TAF4B: variants seen among roughly 807,000 people sequenced by gnomAD.
TAF4B encodes TATA-box binding protein associated factor 4b.
TAF4B carries 38 observed loss-of-function variants against 86.4 expected under a neutral mutation model. That is an observed-to-expected ratio of 0.44 (90% CI 0.34 to 0.58). The LOEUF is 0.58. Ranked by LOEUF, TAF4B falls within the 20% of genes least tolerant of loss-of-function variation. The pLI is 0.02. For missense variants in TAF4B, 988 were observed against 1,027.6 expected, an observed-to-expected ratio of 0.96 and a Z score of 0.53; for synonymous variants, 388 against 391.2, an observed-to-expected ratio of 0.99 and a Z score of 0.10.
chr18:26,230,156 G>C (rs2055643751), intron 1 of TAF4B, among the ~76,000 whole-genome samples: 2 of 152,140 alleles, frequency 1.3e-5, no homozygotes, highest in Admixed American at 1.3e-4. Flanking sequence ...GGTTCTTCTT[G>C]ATATTCTTCA....
chr18:26,332,431 C>T (rs1419200836), intron 12 of TAF4B, among the ~76,000 whole-genome samples: 1 of 152,114 alleles, frequency 6.6e-6, no homozygotes, highest in Non-Finnish European at 1.5e-5. Context: ...GCACCCTCTA[C>T]AGAGTGGCCA....
chr18:26,344,767 T>C (rs2057162992), intron 13 of TAF4B, among the ~76,000 whole-genome samples: 1 of 152,078 alleles, frequency 6.6e-6, no homozygotes, highest in Non-Finnish European at 1.5e-5. Flanking sequence ...ACTGAGGCAA[T>C]GAATAAACAG....
chr18:26,247,206 G>C (rs1422496876), intron 1 of TAF4B, among the ~76,000 whole-genome samples: 6 of 152,102 alleles, frequency 3.9e-5, no homozygotes, highest in African/African-American at 1.4e-4. Flanking sequence ...TCTAAAATAC[G>C]GTTAATACCT....
chr18:26,264,255 A>G (rs2056208493), intron 1 of TAF4B, among the ~76,000 whole-genome samples: 1 of 152,202 alleles, frequency 6.6e-6, no homozygotes, highest in Non-Finnish European at 1.5e-5. Context: ...CCTGGCCAAC[A>G]TGGCAAAACC....
At chr18:26,350,985 A>G (rs1206042245) in intron 13 of TAF4B, among the ~76,000 whole-genome samples, 1 of 152,228 alleles carries the variant, frequency 6.6e-6, no homozygotes, top group African/African-American at 2.4e-5. Context: ...TAAAATTACA[A>G]ATAGAACTAC....
intron 13 of TAF4B, among the ~76,000 whole-genome samples, chr18:26,345,839 T>C (rs2057173542): frequency 6.6e-6 from 1 of 152,140 alleles, no homozygotes; most frequent in East Asian, 1.9e-4. Flanking sequence ...CATAAGGAAG[T>C]ACATAAAATG....
At chr18:26,252,600 T>C (rs920910346) in intron 1 of TAF4B, among the ~76,000 whole-genome samples, 10 of 152,066 alleles carry the variant, frequency 6.6e-5, no homozygotes, top group Non-Finnish European at 1.3e-4. Flanking sequence ...GAAATGTGAA[T>C]CATTCCTTTG....
Position 26,267,518 on chromosome 18 carries a change from C to A in TAF4B, c.492C>A (p.Asn164Lys), listed in dbSNP as rs1435717882. ...PQTVKICTVP[N>K]SSSQLIKKVA... ...TCTTGCTCCCCTCCACCGCCAAGAA[C>A]TCTAGCTCACAATTAATCAAGAAAG... Residue 164 changes from asparagine to lysine, a missense_variant and splice_region_variant, in exon 3 of 15, where the codon AAC becomes AAA. Around this residue, in one of 3 missense-constraint regions of TAF4B, gnomAD observed 747 missense variants for 737.9 expected, o/e 1.01. Coordinates refer to ENST00000269142, the MANE Select transcript of TAF4B (RefSeq NM_005640.3). 4 of 1,613,198 alleles carry A rather than the reference C, an allele frequency of 2.5e-6. No individual in the cohort carries two copies. The highest frequency in any genetic ancestry group is 3.4e-6 in the Non-Finnish European group (4 of 1,179,228).
At chr18:26,244,359 G>C (rs574783904) in intron 1 of TAF4B, among the ~76,000 whole-genome samples, 2 of 152,232 alleles carry the variant, frequency 1.3e-5, no homozygotes, top group Non-Finnish European at 2.9e-5. Flanking sequence ...TTCTGTGGGC[G>C]TGGGACCCTC....
At chr18:26,288,335 A>G (rs1002661759) in intron 7 of TAF4B, among the ~76,000 whole-genome samples, 3 of 152,218 alleles carry the variant, frequency 2.0e-5, no homozygotes, top group East Asian at 1.9e-4. Flanking sequence ...GAGCTGACTC[A>G]TCCAGTAACA....
At chr18:26,366,037 G>T (rs943641332) in intron 14 of TAF4B, among the ~76,000 whole-genome samples, 3 of 152,106 alleles carry the variant, frequency 2.0e-5, no homozygotes, top group Non-Finnish European at 4.4e-5. Context: ...GTGATCCGCT[G>T]CCTCGGCCTC....
intron 3 of TAF4B, among the ~76,000 whole-genome samples, chr18:26,268,745 T>C (rs993556437): frequency 2.0e-5 from 3 of 152,242 alleles, no homozygotes; most frequent in Admixed American, 2.0e-4. Context: ...CTCCTGTCTT[T>C]CCTGCTGGAT....
intron 1 of TAF4B, among the ~76,000 whole-genome samples, chr18:26,245,074 GA>G (rs2055902302): frequency 6.6e-6 from 1 of 152,136 alleles, no homozygotes; most frequent in South Asian, 2.1e-4. Context: ...GGTTGTTAGA[GA>G]GCCCTTTCCC....
chr18:26,226,959 C>G lies in TAF4B; in HGVS notation c.26C>G (p.Ala9Gly), dbSNP rs956982483. The part of the protein sequence containing the change: MPAGLTEP[A>G]GAAPPAAVSA... ...ATGCCCGCCGGCCTCACCGAACCCGCCGGCGCCGCTCCCCCGGCTGCTGTG... is the reference window on the plus strand; with the variant it reads ...ATGCCCGCCGGCCTCACCGAACCCGGCGGCGCCGCTCCCCCGGCTGCTGTG... Residue 9 changes from alanine (A) to glycine (G), a missense_variant, in exon 1 of 15, where the codon GCC (alanine) becomes GGC (glycine). Physicochemically the swap from Ala to Gly is moderately conservative, Grantham distance 60. Coordinates refer to ENST00000269142, the MANE Select transcript of TAF4B (RefSeq NM_005640.3). The G allele has an allele frequency of 1.4e-6, 2 of 1,382,658 alleles. No individual in the cohort carries two copies. Among genetic ancestry groups the G allele is most frequent in the South Asian group, 3.3e-5 (2 of 61,418 alleles). 85.6% of individuals were successfully genotyped at this position (1,382,658 alleles called of 1,614,324 possible).
chr18:26,251,791 C>T (rs1598726667), intron 1 of TAF4B, among the ~76,000 whole-genome samples: 3 of 152,168 alleles, frequency 2.0e-5, no homozygotes, highest in Admixed American at 6.6e-5. Flanking sequence ...TATTGCTTCT[C>T]ATTGGCATTG....
At chr18:26,335,776 C>A (rs1376930484) in intron 13 of TAF4B, among the ~76,000 whole-genome samples, 2 of 152,160 alleles carry the variant, frequency 1.3e-5, no homozygotes, top group African/African-American at 4.8e-5. Context: ...TAAGCTTTTA[C>A]TCCCAGAGGC....
intron 3 of TAF4B, among the ~76,000 whole-genome samples, chr18:26,268,545 A>G (rs1019468582): frequency 2.6e-5 from 4 of 152,182 alleles, no homozygotes; most frequent in Admixed American, 6.5e-5. Context: ...AACCATGTTC[A>G]TTTGAGGTCA....
intron 1 of TAF4B, among the ~76,000 whole-genome samples, chr18:26,258,166 A>G (rs2056113192): frequency 6.6e-6 from 1 of 151,644 alleles, no homozygotes; most frequent in African/African-American, 2.4e-5. Context: ...AGGCAGGAGA[A>G]TTGCTTGAAC....
intron 10 of TAF4B, among the ~76,000 whole-genome samples, chr18:26,320,815 A>G (rs1321531983): frequency 2.6e-5 from 4 of 152,180 alleles, no homozygotes; most frequent in East Asian, 1.9e-4. Flanking sequence ...ACTTTGTCCT[A>G]TAAATGACCT....
Sources: allele counts gnomAD v4.1 joint callset (sites outside exome capture counted in the v4.1 genomes callset), GRCh38; gene constraint gnomAD v4.1.1; regional missense constraint gnomAD v4.1.1; transcripts MANE v1.5; gene names NCBI Gene and HGNC (gene_info 2026-07-23, HGNC 2026-07-21).